Variants in DCT observed in about 807,000 individuals in gnomAD.
The protein encoded by DCT is L-dopachrome tautomerase.
DCT carries 47 observed loss-of-function variants against 53.0 expected under a neutral mutation model. The observed-to-expected ratio is 0.89, with a 90% CI of 0.70 to 1.13. The LOEUF (loss-of-function observed/expected upper bound fraction) is 1.13, where lower values mean the gene tolerates loss of function less well. Among genes scored for constraint, DCT ranks in the 50% most tolerant of loss-of-function variants. DCT has a pLI of 0.00. For synonymous variants in DCT, 244 were observed against 237.0 expected, an observed-to-expected ratio of 1.03 and a Z score of -0.27; for missense variants, 669 against 637.4, an observed-to-expected ratio of 1.05 and a Z score of -0.53.
the DCT span, among the ~76,000 whole-genome samples, chr13:94,520,354 A>G: frequency 2.0e-5 from 3 of 152,228 alleles, no homozygotes; most frequent in African/African-American, 7.2e-5. Flanking sequence ...CATTCTCCTG[A>G]GAAATGGCAC....
chr13:94,549,044 G>C, the DCT span, among the ~76,000 whole-genome samples: 1 of 152,142 alleles, frequency 6.6e-6, no homozygotes, highest in African/African-American at 2.4e-5. Flanking sequence ...TGATGCGTCG[G>C]GGAGCTGTAA....
At chr13:94,535,805 C>T in the DCT span, among the ~76,000 whole-genome samples, 1,931 of 152,288 alleles carry the variant, frequency 0.013, 15 homozygotes, top group Non-Finnish European at 0.015. Context: ...ACTGTGATTT[C>T]GCCTATACCC....
chr13:94,498,889 T>C, the DCT span, among the ~76,000 whole-genome samples: 1 of 152,134 alleles, frequency 6.6e-6, no homozygotes, highest in African/African-American at 2.4e-5. Flanking sequence ...CAGCACTCTG[T>C]AAAAACACAC....
rs751227543 is a variant in DCT, at chr13:94,460,203, T to C, written c.1067A>G (p.Lys356Arg). The change falls in exon 6 of 8, where the codon AAA (lysine) becomes AGA (arginine). Residue 356 changes from lysine (K) to arginine (R), a missense_variant. Transcript: ENST00000377028. The part of the protein sequence containing the change: ...SFRNALEGFD[K>R]ADGTLDSQVM... ...TTGAGAATCCAGAGTCCCATCTGCTTTATCAAACCCTTCCAAAGCATTCCT... is the reference window on the plus strand; with the variant it reads ...TTGAGAATCCAGAGTCCCATCTGCTCTATCAAACCCTTCCAAAGCATTCCT... 6.2e-6 allele frequency: 10 copies of C among 1,613,946 alleles called. No individual in the cohort carries two copies. The South Asian group carries it at 7.7e-5, about 12-fold the overall frequency.
At position 94,465,651 on chromosome 13, in the gene DCT, C is replaced by G; in HGVS notation, c.845G>C (p.Trp282Ser). Residue 282 changes from tryptophan (W) to serine (S), a missense_variant, in exon 4 of 8, where the codon TGG becomes TCG. Coordinates refer to ENST00000377028, the MANE Select transcript of DCT (RefSeq NM_001922.5). ...LISRNSRFSS[W>S]ETVCDSLDDY... ...CCATTACCTATCACAGACAGTTTCC[C>G]AGCTGGAGAATCTTGAGTTCCGACT... 6.2e-7 allele frequency: 1 copy of G among 1,613,410 alleles called. No individual in the cohort carries two copies. Among genetic ancestry groups the G allele is most frequent in the Non-Finnish European group, 8.5e-7 (1 of 1,179,744 alleles).
intron 7 of DCT, among the ~76,000 whole-genome samples, chr13:94,441,579 T>G (rs1465465753): frequency 6.6e-6 from 1 of 152,282 alleles, no homozygotes; most frequent in South Asian, 2.1e-4. Flanking sequence ...TATCTCATAG[T>G]CTAAGTGGAG....
intron 4 of DCT, among the ~76,000 whole-genome samples, chr13:94,464,362 G>A (rs1306099122): frequency 2.6e-5 from 4 of 152,336 alleles, no homozygotes; most frequent in African/African-American, 7.2e-5. Flanking sequence ...TTTTGAGGCC[G>A]GGTGAGGTGG....
intron 1 of DCT, among the ~76,000 whole-genome samples, chr13:94,475,026 A>G (rs1038679965): frequency 6.6e-6 from 1 of 152,216 alleles, no homozygotes; most frequent in African/African-American, 2.4e-5. Flanking sequence ...CAAAAGAGTC[A>G]TCAGGCTACT....
Position 94,479,381 on chromosome 13 carries a change from C to T in DCT, c.-126G>A, listed in dbSNP as rs941759279. The T allele has an allele frequency of 4.3e-6, 4 of 925,884 alleles. No individual in the cohort carries two copies. 57.4% of individuals were successfully genotyped at this position (925,884 alleles called of 1,614,324 possible). The stretch of plus-strand genomic sequence containing the variant: ...TTTTTATTTTTCTTTGCTTTCTATT[C>T]CTTTCTTCTTAAAAAAATACCCACA... On this transcript the variant is annotated 5_prime_UTR_variant, in exon 1 of 8. Coordinates refer to ENST00000377028, the MANE Select transcript of DCT (RefSeq NM_001922.5).
At chr13:94,443,796 A>G (rs1882527157) in intron 6 of DCT, among the ~76,000 whole-genome samples, 159 bp from the exon 7 acceptor site, 1 of 152,216 alleles carries the variant, frequency 6.6e-6, no homozygotes, top group Non-Finnish European at 1.5e-5. Context: ...ACCATGAGGA[A>G]GCCCAAATCA....
the DCT span, among the ~76,000 whole-genome samples, chr13:94,502,552 G>A: frequency 2.0e-5 from 3 of 152,064 alleles, no homozygotes; most frequent in African/African-American, 4.8e-5. Flanking sequence ...ACTCAGCTGC[G>A]AGGAGCTGGT....
intron 6 of DCT, chr13:94,445,881 C>G: frequency 1.2e-5 from 8 of 653,434 alleles, no homozygotes; most frequent in Middle Eastern, 4.1e-4. Flanking sequence ...AGGGGAGAAA[C>G]TGTGGGGGGG....
chr13:94,445,859 A>G, intron 6 of DCT: 1 of 769,830 alleles, frequency 1.3e-6, no homozygotes, highest in Non-Finnish European at 2.1e-6. Flanking sequence ...GAAGTGGCCC[A>G]TTCCTGGAGG....
chr13:94,474,549 CAAG>C (rs1462951680), intron 1 of DCT, among the ~76,000 whole-genome samples: 1 of 152,160 alleles, frequency 6.6e-6, no homozygotes, highest in Non-Finnish European at 1.5e-5. Flanking sequence ...CTTGTACAAA[CAAG>C]AAGTTCACCG....
At chr13:94,443,755 C>T (rs1049612116) in intron 6 of DCT, 118 bp from the exon 7 acceptor site, 1 of 793,738 alleles carries the variant, frequency 1.3e-6, no homozygotes, top group Non-Finnish European at 2.0e-6. Context: ...CTTCTGTATA[C>T]CCATGTGTGG....
At chr13:94,502,328 C>G in the DCT span, among the ~76,000 whole-genome samples, 1 of 152,104 alleles carries the variant, frequency 6.6e-6, no homozygotes, top group African/African-American at 2.4e-5. Flanking sequence ...GCCCCTTTCT[C>G]TCACCATCAT....
intron 6 of DCT, among the ~76,000 whole-genome samples, chr13:94,451,572 A>G (rs1354350224): frequency 6.6e-6 from 1 of 152,220 alleles, no homozygotes; most frequent in Non-Finnish European, 1.5e-5. Context: ...TGTGTTTAAA[A>G]CAAGGAGAGT....
At chr13:94,465,493 C>A in intron 4 of DCT, 140 bp downstream of exon 4, 1 of 627,518 alleles carries the variant, frequency 1.6e-6, no homozygotes, top group Admixed American at 4.0e-5. Context: ...TCCCACCTCC[C>A]AGAGGAAAAC....
the DCT span, among the ~76,000 whole-genome samples, chr13:94,507,503 CTTT>C: frequency 1.4e-5 from 2 of 140,252 alleles, no homozygotes; most frequent in Non-Finnish European, 3.1e-5. Context: ...GGTATATTGA[CTTT>C]TTTTTTTTTT....
Sources: allele counts gnomAD v4.1 joint callset (sites outside exome capture counted in the v4.1 genomes callset), GRCh38; gene constraint gnomAD v4.1.1; transcripts MANE v1.5; gene names NCBI Gene and HGNC (gene_info 2026-07-23, HGNC 2026-07-21).